EGF: variants seen among roughly 807,000 people sequenced by gnomAD.
The protein encoded by EGF is pro-epidermal growth factor.
A neutral mutation model predicts 143.8 loss-of-function variants in EGF; 95 were observed. The ratio of observed to expected loss-of-function variants is 0.66; its 90% CI spans 0.56 to 0.78. The LOEUF is 0.78. Ranked by LOEUF, EGF falls within the 30% of genes least tolerant of loss-of-function variation. The probability of loss-of-function intolerance (pLI) is 0.00; values close to 1 mark genes in which losing one functional copy is unlikely to be tolerated. For missense variants in EGF, 1,320 were observed against 1,470.9 expected, an observed-to-expected ratio of 0.90 and a Z score of 1.68; for synonymous variants, 510 against 510.5, an observed-to-expected ratio of 1.00 and a Z score of 0.01.
chr4:109,980,001 G>T lies in EGF; in HGVS notation c.2083G>T (p.Asp695Tyr). 2 of 1,614,054 alleles carry T rather than the reference G, an allele frequency of 1.2e-6. No homozygotes were observed. Among genetic ancestry groups the T allele is most frequent in the Non-Finnish European group, 1.7e-6 (2 of 1,179,950 alleles). ...CCCATTTGCTGTAGCAGTGTTTGAG[G>T]ATTATGTGTGGTTCTCAGATTGGGC... Reference protein sequence around the residue: ...GHPFAVAVFEDYVWFSDWAMP... With the variant: ...GHPFAVAVFEYYVWFSDWAMP... Residue 695 changes from aspartate (D) to tyrosine (Y), a missense_variant, in exon 14 of 24, where the codon GAT (aspartate) becomes TAT (tyrosine). Transcript: ENST00000265171.
At chr4:109,989,227 G>T (rs895747299) in intron 18 of EGF, among the ~76,000 whole-genome samples, 1 of 152,188 alleles carries the variant, frequency 6.6e-6, no homozygotes, top group Admixed American at 6.5e-5. Context: ...TACAAGTAAA[G>T]AATGATTCAA....
chr4:109,958,383 C>A (rs1745134095), intron 5 of EGF, among the ~76,000 whole-genome samples: 6 of 152,144 alleles, frequency 3.9e-5, no homozygotes, highest in Admixed American at 3.9e-4. Context: ...CTCTGAAAAT[C>A]CCAATGGTAC....
chr4:109,974,125 T>C (rs947432111), intron 11 of EGF, among the ~76,000 whole-genome samples: 12 of 152,324 alleles, frequency 7.9e-5, no homozygotes, highest in African/African-American at 1.7e-4. Context: ...TACAGGAGAA[T>C]GTACATAGAT....
chr4:109,980,692 A>G, intron 14 of EGF, 134 bp from the exon 15 acceptor site: 1 of 965,970 alleles, frequency 1.0e-6, no homozygotes, highest in Non-Finnish European at 1.6e-6. Flanking sequence ...AGCTATTGAT[A>G]TACCCTCTAT....
In EGF at chr4:110,011,473, A is replaced by G. The variant is rs745325610; in HGVS notation, c.*18A>G. The G allele has an allele frequency of 1.5e-5, 24 of 1,614,068 alleles. No homozygotes were observed. Among genetic ancestry groups the G allele is most frequent in the Admixed American group, 1.0e-4 (6 of 60,004 alleles). ...CTCAGTGAAAACTGGAATTAAAAGG[A>G]AAGTCAAGAAGAATGAACTATGTCG... On this transcript the variant is annotated 3_prime_UTR_variant, in exon 24 of 24. Coordinates refer to ENST00000265171, the MANE Select transcript of EGF (RefSeq NM_001963.6).
At chr4:109,996,739 C>A (rs904107217) in intron 20 of EGF, among the ~76,000 whole-genome samples, 1 of 152,144 alleles carries the variant, frequency 6.6e-6, no homozygotes, top group East Asian at 1.9e-4. Context: ...AGGGTGCCCC[C>A]GGGGTGATGC....
intron 15 of EGF, among the ~76,000 whole-genome samples, chr4:109,982,749 C>A (rs554998704): frequency 6.6e-6 from 1 of 152,178 alleles, no homozygotes; most frequent in South Asian, 2.1e-4. Flanking sequence ...TGCCCACATT[C>A]CTTTTGCCAT....
chr4:109,970,999 A>G (rs1747559069), intron 11 of EGF, among the ~76,000 whole-genome samples: 1 of 152,154 alleles, frequency 6.6e-6, no homozygotes, highest in Admixed American at 6.5e-5. Context: ...TTTACTGAAT[A>G]GTTGCAATGC....
rs1355332484 is a variant in EGF, at chr4:109,963,220, C to G, written c.1360C>G (p.Leu454Val). Residue 454 changes from leucine to valine, a missense_variant, in exon 9 of 24, where the codon CTT becomes GTT. By Grantham distance (32) the Leu-to-Val change is conservative (BLOSUM62 1). Coordinates refer to ENST00000265171, the MANE Select transcript of EGF (RefSeq NM_001963.6). ...TGGATGTAGCCAGCTCTGCGTTCCTCTTAGCCCAGTATCCTGGGAATGTGA... is the reference window on the plus strand; with the variant it reads ...TGGATGTAGCCAGCTCTGCGTTCCTGTTAGCCCAGTATCCTGGGAATGTGA... ...NGGCSQLCVP[L>V]SPVSWECDCF... 6 of 1,613,982 alleles carry G rather than the reference C, an allele frequency of 3.7e-6. No homozygotes were observed. Among genetic ancestry groups the G allele is most frequent in the Middle Eastern group, 1.6e-4 (1 of 6,062 alleles).
intron 16 of EGF, among the ~76,000 whole-genome samples, chr4:109,984,246 C>CAAA (rs35632667): frequency 3.5e-4 from 48 of 136,944 alleles, no homozygotes; most frequent in Admixed American, 1.9e-3. Context: ...ATGTATGTGG[C>CAAA]AAAAAAAAAA....
chr4:109,944,300 G>A (rs1255544568), intron 4 of EGF, among the ~76,000 whole-genome samples: 3 of 152,008 alleles, frequency 2.0e-5, no homozygotes, highest in Non-Finnish European at 1.5e-5. Flanking sequence ...TTAGCCGGGC[G>A]TGGTGGCGAG....
At chr4:109,956,272 T>A (rs1056107865) in intron 5 of EGF, among the ~76,000 whole-genome samples, 2 of 152,194 alleles carry the variant, frequency 1.3e-5, no homozygotes, top group African/African-American at 4.8e-5. Context: ...CAAGACAAAA[T>A]TCAGTTTCCC....
intron 1 of EGF, among the ~76,000 whole-genome samples, chr4:109,922,549 A>G (rs79413669): frequency 8.6e-5 from 13 of 151,854 alleles, no homozygotes; most frequent in South Asian, 4.1e-4. Context: ...ATTTTCAAAC[A>G]AAGGATACAT....
Position 110,011,420 on chromosome 4 carries a change from C to G in EGF, c.3589C>G (p.Leu1197Val). ...TAACCCATTATGGCAACAAAGGGCC[C>G]TGGACCCACCACACCAAATGGAGCT... The part of the protein sequence containing the change: ...SANPLWQQRA[L>V]DPPHQMELTQ The change falls in exon 24 of 24, where the codon CTG becomes GTG. Residue 1197 changes from leucine (L) to valine (V), a missense_variant. Physicochemically the swap from Leu to Val is conservative, Grantham distance 32. Transcript: ENST00000265171. 6.2e-7 allele frequency: 1 copy of G among 1,614,186 alleles called. No homozygotes were observed. Among genetic ancestry groups the G allele is most frequent in the Non-Finnish European group, 8.5e-7 (1 of 1,180,010 alleles).
At chr4:109,992,279 T>C (rs1751072089) in intron 18 of EGF, 1 of 146,788 alleles carries the variant, frequency 6.8e-6, no homozygotes, top group Admixed American at 6.8e-5. Flanking sequence ...AGTTCATCTC[T>C]CCAACATTCA....
At chr4:109,939,876 G>T (rs1741617530) in intron 1 of EGF, among the ~76,000 whole-genome samples, 1 of 152,146 alleles carries the variant, frequency 6.6e-6, no homozygotes, top group Non-Finnish European at 1.5e-5. Context: ...ACAGAAGCAA[G>T]AATATGTTAG....
In EGF at chr4:109,943,991, A is replaced by G. The variant is rs1198880581; in HGVS notation, c.659A>G (p.Asn220Ser). Residue 220 changes from asparagine (N) to serine (S), a missense_variant, in exon 4 of 24, where the codon AAC becomes AGC. By Grantham distance (46) the Asn-to-Ser change is conservative. Transcript: ENST00000265171. ...AAGCGGCTGTTTTGGATTCAGTACA[A>G]CAGAGAAGGAAGCAATTCTCTTATT... is the stretch of plus-strand genomic sequence containing the variant. ...LDKRLFWIQY[N>S]REGSNSLICS... 1.9e-6 allele frequency: 3 copies of G among 1,614,120 alleles called. No homozygotes were observed. The highest frequency in any genetic ancestry group is 2.7e-5 in the African/African-American group (2 of 74,942).
At chr4:109,950,512 A>G (rs1445077803) in intron 5 of EGF, among the ~76,000 whole-genome samples, 10 of 152,188 alleles carry the variant, frequency 6.6e-5, no homozygotes, top group Admixed American at 1.3e-4. Context: ...AGGCCCAGTC[A>G]TGTCACTCTT....
chr4:109,945,806 A>G (rs567833466), intron 5 of EGF, among the ~76,000 whole-genome samples: 99 of 152,182 alleles, frequency 6.5e-4, no homozygotes, highest in Non-Finnish European at 1.2e-3. Flanking sequence ...AATAAATGGC[A>G]GATAAATGCT....
Sources: gnomAD v4.1 joint callset for allele counts (sites outside exome capture counted in the v4.1 genomes callset) on GRCh38, gnomAD v4.1.1 for gene constraint, MANE v1.5 for transcripts, NCBI Gene and HGNC (gene_info 2026-07-23, HGNC 2026-07-21) for gene names.